The following NSD3 variants were observed in gnomAD, a reference collection of about 807,000 sequenced individuals.
The protein encoded by NSD3 is histone-lysine N-methyltransferase NSD3.
NSD3 carries 24 observed loss-of-function variants against 160.8 expected under a neutral mutation model. That is an observed-to-expected ratio of 0.15 (90% CI 0.11 to 0.21). NSD3 has a LOEUF of 0.21. Ranked by LOEUF, NSD3 falls within the 10% of genes least tolerant of loss-of-function variation. The pLI is 1.00. For synonymous variants in NSD3, 520 were observed against 600.0 expected (o/e 0.87, Z 1.95); for missense variants, 1,157 against 1,735.9 (o/e 0.67, Z 5.93).
Position 38,276,511 on chromosome 8 carries a change from A to G in NSD3, c.3868-11T>C. On this transcript the variant is annotated splice_polypyrimidine_tract_variant and intron_variant, in intron 22 of 23. Transcript: ENST00000317025. ...TGACGCACATGCCGACTGGCAGGAA[A>G]GAAAGGATCATAGTTTCAAACATCA... 1.9e-6 allele frequency: 3 copies of G among 1,614,016 alleles called. No individual in the cohort carries two copies. Among genetic ancestry groups the G allele is most frequent in the Non-Finnish European group, 1.7e-6 (2 of 1,179,910 alleles).
In NSD3 at chr8:38,316,449, A is replaced by G; in HGVS notation, c.1856-407T>C. ...CAAATATGGTTGCAGAGACATCTCC[A>G]TCTTGTTTTTATTAGGGATGTGACA... is the stretch of plus-strand genomic sequence containing the variant. On this transcript the variant is annotated intron_variant, in intron 9 of 23. Coordinates refer to ENST00000317025, the MANE Select transcript of NSD3 (RefSeq NM_023034.2). The surrounding 1 kb of genome is among the most constrained non-coding windows in gnomAD (Gnocchi z 4.5). 1 of 1,043,540 alleles carries G rather than the reference A, an allele frequency of 9.6e-7. No homozygotes were observed. The highest frequency in any genetic ancestry group is 1.2e-6 in the Non-Finnish European group (1 of 865,260). The allele number at this position is 1,043,540 out of a possible 1,614,324, so 64.6% of individuals were successfully genotyped here. A position where few individuals can be genotyped will look rare whatever the true frequency, so the allele number is the denominator to read the frequency against.
chr8:38,307,114 CAAA>C (rs1194554014), intron 12 of NSD3, among the ~76,000 whole-genome samples: 21 of 64,202 alleles, frequency 3.3e-4, no homozygotes, highest in African/African-American at 1.1e-3. Flanking sequence ...GATACCGTCT[CAAA>C]AAAAAAAAAA....
chr8:38,311,180 G>T (rs759963827), intron 12 of NSD3, among the ~76,000 whole-genome samples: 1 of 150,796 alleles, frequency 6.6e-6, no homozygotes, highest in Non-Finnish European at 1.5e-5. Context: ...TCCCCAGTGT[G>T]CTAGGATTAC....
chr8:38,316,183 A>C lies in NSD3; in HGVS notation c.1856-141T>G, dbSNP rs1809658620. On this transcript the variant is annotated intron_variant, in intron 9 of 23. Transcript: ENST00000317025. The surrounding 1 kb of genome is among the most constrained non-coding windows in gnomAD (Gnocchi z 4.5). The stretch of plus-strand genomic sequence containing the variant: ...TAGCTCTCTTTGTAACACTGAAATA[A>C]TGAGTCAAAACTTCAGAACTTCTGA... The C allele has an allele frequency of 3.9e-6, 5 of 1,272,244 alleles. No individual in the cohort carries two copies. The highest frequency in any genetic ancestry group is 5.2e-6 in the Non-Finnish European group (5 of 952,844). 78.8% of individuals were successfully genotyped at this position (1,272,244 alleles called of 1,614,324 possible).
chr8:38,287,437 A>C (rs1808888400), intron 19 of NSD3, among the ~76,000 whole-genome samples: 1 of 152,120 alleles, frequency 6.6e-6, no homozygotes, highest in South Asian at 2.1e-4. Flanking sequence ...GAAAACCCTT[A>C]AAAAATGTAT....
At chr8:38,312,256 T>A (rs1242980455) in intron 12 of NSD3, among the ~76,000 whole-genome samples, 1 of 152,218 alleles carries the variant, frequency 6.6e-6, no homozygotes, top group African/African-American at 2.4e-5. Context: ...CTGTTTTTTA[T>A]TAAAAATTTT....
At chr8:38,300,807 G>A (rs746591424) in intron 14 of NSD3, among the ~76,000 whole-genome samples, 6 of 152,098 alleles carry the variant, frequency 3.9e-5, no homozygotes, top group East Asian at 1.9e-4. Context: ...TACAAATTAC[G>A]GCAGCAGTTT....
chr8:38,290,569 G>A lies in NSD3; in HGVS notation c.3024C>T (p.Tyr1008=), dbSNP rs1808979360. 1 of 1,614,168 alleles carries A rather than the reference G, an allele frequency of 6.2e-7. No individual in the cohort carries two copies. Among genetic ancestry groups the A allele is most frequent in the Non-Finnish European group, 8.5e-7 (1 of 1,180,032 alleles). The stretch of plus-strand genomic sequence containing the variant: ...ACACTCTGCCCTGGTGTACCCAGTA[G>A]TAGTCATGAGAACCAAAGAAGAATA... ...FPVFFFGSHD[Y]YWVHQGRVFP... Residue 1008 remains tyrosine (Y), a synonymous_variant, in exon 17 of 24, where the codon TAC becomes TAT. Coordinates refer to ENST00000317025, the MANE Select transcript of NSD3 (RefSeq NM_023034.2).
At chr8:38,340,541 TTGGCCAGGCTGG>T (rs1810338650) in intron 2 of NSD3, among the ~76,000 whole-genome samples, 2 of 151,368 alleles carry the variant, frequency 1.3e-5, no homozygotes, top group African/African-American at 4.8e-5. Flanking sequence ...TTTTGCCATG[TTGGCCAGGCTGG>T]TCTTGAACTC....
At chr8:38,353,651 TAAGAA>T (rs1014339120) in intron 1 of NSD3, among the ~76,000 whole-genome samples, 3 of 152,236 alleles carry the variant, frequency 2.0e-5, no homozygotes, top group African/African-American at 7.2e-5. Context: ...TAGTCTGAAC[TAAGAA>T]AATAACATTA....
chr8:38,346,783 G>T (rs1181079661), intron 2 of NSD3, among the ~76,000 whole-genome samples: 1 of 152,004 alleles, frequency 6.6e-6, no homozygotes, highest in Non-Finnish European at 1.5e-5. Context: ...ACTTATTCAG[G>T]TATAACACAT....
At chr8:38,366,110 CAAAAAAAAAAAA>C (rs757397268) in intron 1 of NSD3, among the ~76,000 whole-genome samples, 1 of 44,334 alleles carries the variant, frequency 2.3e-5, no homozygotes, top group African/African-American at 8.1e-5. Flanking sequence ...GACTCTGTCT[CAAAAAAAAAAAA>C]AAAAAAAAAA....
chr8:38,376,599 C>T (rs1027713106), intron 1 of NSD3, among the ~76,000 whole-genome samples: 1 of 152,120 alleles, frequency 6.6e-6, no homozygotes, highest in African/African-American at 2.4e-5. Context: ...CCGGGCCCGG[C>T]TAATTTTTTG....
In NSD3 at chr8:38,270,920, AC is replaced by A. The variant is rs1260536018; in HGVS notation, c.*4720del. On this transcript the variant is annotated 3_prime_UTR_variant, in exon 24 of 24. Transcript: ENST00000317025. Reference sequence around the variant, plus strand: ...TATGCAATGGACTGACCAAAACAAAACAAAAAACAGAAATGTTTTTTGAAAG... The same window carrying A: ...TATGCAATGGACTGACCAAAACAAAAAAAAAACAGAAATGTTTTTTGAAAG... 1 of 152,232 alleles carries A rather than the reference AC, an allele frequency of 6.6e-6. No individual in the cohort carries two copies. Among genetic ancestry groups the A allele is most frequent in the African/African-American group, 2.4e-5 (1 of 41,460 alleles). The allele number at this position is 152,232 out of a possible 1,614,324, so 9.4% of individuals were successfully genotyped here. A position where few individuals can be genotyped will look rare whatever the true frequency, so the allele number is the denominator to read the frequency against.
In NSD3 at chr8:38,321,863, A is replaced by G. The variant is rs1210530812; in HGVS notation, c.1709-691T>C. Among the ~76,000 whole-genome samples the G allele has an allele frequency of 2.6e-5, 4 of 152,268 alleles. No individual in the cohort carries two copies. Among genetic ancestry groups the G allele is most frequent in the Non-Finnish European group, 5.9e-5 (4 of 68,044 alleles). Reference sequence around the variant, plus strand: ...AAACAAACTATTAAGATTTTTAAAGAGTACAATTCTTTAAAAGCGAATTGA... The same window carrying G: ...AAACAAACTATTAAGATTTTTAAAGGGTACAATTCTTTAAAAGCGAATTGA... On this transcript the variant is annotated intron_variant, in intron 7 of 23. Transcript: ENST00000317025. This position sits in a 1 kb window ranked among gnomAD's most constrained non-coding sequence, Gnocchi z 4.7.
rs2130974154 is a variant in NSD3, at chr8:38,272,370, T to C, written c.*3271A>G. On this transcript the variant is annotated 3_prime_UTR_variant, in exon 24 of 24. Coordinates refer to ENST00000317025, the MANE Select transcript of NSD3 (RefSeq NM_023034.2). The stretch of plus-strand genomic sequence containing the variant: ...AACAAAAATGAAAATAAAACCCACC[T>C]CACTCCTGTATCTCTCCCTGATTAG... 1 of 152,310 alleles carries C rather than the reference T, an allele frequency of 6.6e-6. No homozygotes were observed. The highest frequency in any genetic ancestry group is 1.9e-4 in the East Asian group (1 of 5,184). 9.4% of individuals were successfully genotyped at this position (152,310 alleles called of 1,614,324 possible).
intron 2 of NSD3, among the ~76,000 whole-genome samples, chr8:38,342,567 G>C (rs948633718): frequency 1.3e-5 from 2 of 151,292 alleles, no homozygotes; most frequent in African/African-American, 2.4e-5. Context: ...ACAAATTTTA[G>C]CCTAGTACTT....
intron 19 of NSD3, among the ~76,000 whole-genome samples, chr8:38,287,283 T>C (rs1808884171): frequency 6.6e-6 from 1 of 152,212 alleles, no homozygotes; most frequent in African/African-American, 2.4e-5. Flanking sequence ...ATTTACTTAT[T>C]GGGAAATAGG....
intron 1 of NSD3, among the ~76,000 whole-genome samples, chr8:38,374,278 T>TA (rs1324253705): frequency 6.6e-6 from 1 of 151,504 alleles, no homozygotes; most frequent in East Asian, 1.9e-4. Flanking sequence ...ACCCTGTCTC[T>TA]AAAAATAAAA....
Sources: gnomAD v4.1 joint callset for allele counts (sites outside exome capture counted in the v4.1 genomes callset) on GRCh38, gnomAD v4.1.1 for gene constraint, Gnocchi (gnomAD v3.1) non-coding constraint, MANE v1.5 for transcripts, NCBI Gene and HGNC (gene_info 2026-07-23, HGNC 2026-07-21) for gene names.